CRYBG1: variants seen among roughly 807,000 people sequenced by gnomAD.
CRYBG1 encodes beta/gamma crystallin domain-containing protein 1.
A neutral mutation model predicts 189.2 loss-of-function variants in CRYBG1; 139 were observed. That is an observed-to-expected ratio of 0.73 (90% CI 0.64 to 0.85). The LOEUF is 0.85. CRYBG1 is among the 40% of genes least tolerant of loss of function. The pLI is 0.00. For synonymous variants in CRYBG1, 1,023 were observed against 1,017.1 expected (o/e 1.01, Z -0.11); for missense variants, 2,611 against 2,675.8 (o/e 0.98, Z 0.53).
intron 1 of CRYBG1, among the ~76,000 whole-genome samples, chr6:106,425,635 GTTTA>G (rs1771211197): frequency 1.3e-5 from 2 of 152,102 alleles, no homozygotes; most frequent in African/African-American, 2.4e-5. Flanking sequence ...CACTTTATCT[GTTTA>G]TTTATTTATG....
chr6:106,377,640 TA>T lies in CRYBG1; in HGVS notation c.173+16560del, dbSNP rs1562290468. Among the ~76,000 whole-genome samples, 580 of 148,424 alleles carry T rather than the reference TA, an allele frequency of 3.9e-3. 25 individuals are homozygous for T. Among genetic ancestry groups the T allele is most frequent in the Middle Eastern group, 0.024 (7 of 286 alleles). On this transcript the variant is annotated intron_variant, in intron 1 of 21. Coordinates refer to ENST00000633556, the MANE Select transcript of CRYBG1 (RefSeq NM_001371242.2). ...AAGGTTTTATATATATATATATATATATATATATTTTCATTTGCAGTCTGTC... is the reference window on the plus strand; with the variant it reads ...AAGGTTTTATATATATATATATATATTATATATTTTCATTTGCAGTCTGTC...
At chr6:106,407,625 A>G (rs965143287) in intron 1 of CRYBG1, among the ~76,000 whole-genome samples, 2 of 152,214 alleles carry the variant, frequency 1.3e-5, no homozygotes, top group African/African-American at 4.8e-5. Context: ...ACATAATTGG[A>G]AGTAAAACAC....
intron 1 of CRYBG1, among the ~76,000 whole-genome samples, chr6:106,384,767 C>T (rs9398082): frequency 0.26 from 39,597 of 150,140 alleles, 5,467 homozygotes; most frequent in Middle Eastern, 0.33. Context: ...TTAAGGCCAC[C>T]CTAATTTGTG....
chr6:106,558,694 G>A lies in CRYBG1; in HGVS notation c.5855+69G>A, dbSNP rs1582839614. ...AAATCAAGTTTGGGCTGGGCACAGTGGCTCACGCCTGTATTCCCAACACTT... is the reference window on the plus strand; with the variant it reads ...AAATCAAGTTTGGGCTGGGCACAGTAGCTCACGCCTGTATTCCCAACACTT... On this transcript the variant is annotated intron_variant, in intron 18 of 21. Transcript: ENST00000633556. 6.7e-6 allele frequency: 9 copies of A among 1,333,440 alleles called. No individual in the cohort carries two copies. The East Asian group carries it at 2.3e-4, about 35-fold the overall frequency. The allele number at this position is 1,333,440 out of a possible 1,614,324, so 82.6% of individuals were successfully genotyped here.
chr6:106,482,308 T>C (rs1772480359), intron 2 of CRYBG1, among the ~76,000 whole-genome samples: 1 of 152,240 alleles, frequency 6.6e-6, no homozygotes, highest in African/African-American at 2.4e-5. Flanking sequence ...ATCTCCCTTT[T>C]GAGTACTCCA....
intron 3 of CRYBG1, among the ~76,000 whole-genome samples, chr6:106,518,855 A>C (rs1361311047): frequency 6.6e-6 from 1 of 152,098 alleles, no homozygotes. Context: ...GCTACCTGGG[A>C]GGCTGAAGCA....
chr6:106,445,850 A>G (rs1201251274), intron 1 of CRYBG1, among the ~76,000 whole-genome samples: 4 of 152,216 alleles, frequency 2.6e-5, no homozygotes, highest in African/African-American at 4.8e-5. Context: ...GGAAAAACCC[A>G]TTCTGTAAAT....
At chr6:106,518,164 ATATT>A (rs10595161) in intron 3 of CRYBG1, among the ~76,000 whole-genome samples, 34,346 of 152,068 alleles carry the variant, frequency 0.23, 4,116 homozygotes, top group South Asian at 0.34. Flanking sequence ...TCTATTCAAA[ATATT>A]TAATTATGCA....
chr6:106,571,555 TGG>T lies in CRYBG1; in HGVS notation c.*2991_*2992del, dbSNP rs1582850372. ...CTACTAAAAATACAAAAAAACTAGC[TGG>T]GTGTGGTGATGCATACCTGTAGTCC... On this transcript the variant is annotated 3_prime_UTR_variant, in exon 22 of 22. Coordinates refer to ENST00000633556, the MANE Select transcript of CRYBG1 (RefSeq NM_001371242.2). 1 of 154,922 alleles carries T rather than the reference TGG, an allele frequency of 6.5e-6. No individual in the cohort carries two copies. Among genetic ancestry groups the T allele is most frequent in the African/African-American group, 2.4e-5 (1 of 41,448 alleles). 9.6% of individuals were successfully genotyped at this position (154,922 alleles called of 1,614,324 possible).
intron 3 of CRYBG1, among the ~76,000 whole-genome samples, chr6:106,515,371 T>G (rs1198456952): frequency 1.3e-5 from 2 of 152,238 alleles, no homozygotes; most frequent in Non-Finnish European, 2.9e-5. Flanking sequence ...GTTGTAAAAT[T>G]TATTCTGATC....
chr6:106,520,466 C>T lies in CRYBG1; in HGVS notation c.3258C>T (p.Ser1086=). ...CAAATGGCCAGGATAGCCCTGCCAG[C>T]CTTTTGAACATTTCTGCTGGTAGTG... ...TVTNGQDSPA[S]LLNISAGSDD... The change falls in exon 4 of 22, where the codon AGC becomes AGT. Residue 1086 remains serine, a synonymous_variant. Transcript: ENST00000633556. 6.2e-7 allele frequency: 1 copy of T among 1,614,116 alleles called. No homozygotes were observed.
At chr6:106,431,450 C>A (rs149942136) in intron 1 of CRYBG1, among the ~76,000 whole-genome samples, 1 of 151,684 alleles carries the variant, frequency 6.6e-6, no homozygotes, top group Admixed American at 6.6e-5. Context: ...CAGCATCACG[C>A]GATATACCTT....
chr6:106,559,952 G>A (rs531990360), intron 18 of CRYBG1, among the ~76,000 whole-genome samples: 6 of 151,814 alleles, frequency 4.0e-5, no homozygotes, highest in East Asian at 3.9e-4. Flanking sequence ...AAAATTAGTC[G>A]GGTGTGGTGG....
rs1011387877 is a variant in CRYBG1, at chr6:106,512,811, G to A, written c.1694G>A (p.Arg565Gln). The change falls in exon 3 of 22, where the codon CGG becomes CAG. Residue 565 changes from arginine (R) to glutamine (Q), a missense_variant. Arg to Gln is a conservative substitution (Grantham distance 43). Transcript: ENST00000633556. ...GCCGAGAGCGGGGAGGAGGCGGCGC[G>A]GGCCATCCCCCGCGAGCTCCCGGTC... is the stretch of plus-strand genomic sequence containing the variant. ...TAAESGEEAA[R>Q]AIPRELPVKS... is the part of the protein sequence containing the mutation. 4 of 1,575,274 alleles carry A rather than the reference G, an allele frequency of 2.5e-6. No individual in the cohort carries two copies. Among genetic ancestry groups the A allele is most frequent in the Middle Eastern group, 1.7e-4 (1 of 5,840 alleles).
intron 2 of CRYBG1, among the ~76,000 whole-genome samples, chr6:106,471,695 G>A (rs1256327738): frequency 1.3e-5 from 2 of 151,918 alleles, no homozygotes; most frequent in African/African-American, 2.4e-5. Context: ...TGGAAGTGAC[G>A]TGGCAGCCTC....
At chr6:106,469,353 CTTG>C (rs557726111) in intron 2 of CRYBG1, among the ~76,000 whole-genome samples, 2 of 152,212 alleles carry the variant, frequency 1.3e-5, no homozygotes, top group Non-Finnish European at 2.9e-5. Flanking sequence ...TTCCTGCTTG[CTTG>C]TTGTCTTTCT....
intron 2 of CRYBG1, among the ~76,000 whole-genome samples, chr6:106,487,519 T>C (rs1772618509): frequency 6.6e-6 from 1 of 152,222 alleles, no homozygotes; most frequent in African/African-American, 2.4e-5. Context: ...CTTTTATTTC[T>C]CTTTCTAGTC....
At chr6:106,382,844 A>T (rs1770311776) in intron 1 of CRYBG1, among the ~76,000 whole-genome samples, 1 of 152,244 alleles carries the variant, frequency 6.6e-6, no homozygotes, top group Non-Finnish European at 1.5e-5. Flanking sequence ...AAAAATTGTG[A>T]TTAACTATAA....
intron 1 of CRYBG1, among the ~76,000 whole-genome samples, chr6:106,397,491 A>G (rs1770634435): frequency 6.6e-6 from 1 of 152,216 alleles, no homozygotes; most frequent in African/African-American, 2.4e-5. Flanking sequence ...GTAAGAGGTT[A>G]GGAGCTTTAT....
Sources: gnomAD v4.1 joint callset for allele counts (sites outside exome capture counted in the v4.1 genomes callset) on GRCh38, gnomAD v4.1.1 for gene constraint, MANE v1.5 for transcripts, NCBI Gene and HGNC (gene_info 2026-07-23, HGNC 2026-07-21) for gene names.